ZNF674: variants seen among roughly 807,000 people sequenced by gnomAD.
ZNF674 encodes the protein zinc finger family member 674.
In ZNF674, 2 loss-of-function variants were observed where a neutral mutation model predicts 7.0. That is an observed-to-expected ratio of 0.29 (90% CI 0.12 to 0.90). The LOEUF (loss-of-function observed/expected upper bound fraction) is 0.90. ZNF674 is among the 40% of genes least tolerant of loss of function. The pLI, the probability that ZNF674 is intolerant of heterozygous loss-of-function variation, is 0.57. For synonymous variants in ZNF674, 103 were observed against 145.2 expected (o/e 0.71, Z 2.09); for missense variants, 297 against 415.5 (o/e 0.71, Z 2.48).
At chrX:46,528,761 AC>A (rs766330822) in intron 4 of ZNF674, 21 bp downstream of exon 4, 189 of 1,209,301 alleles carry the variant, frequency 1.6e-4, no homozygotes, top group Non-Finnish European at 2.1e-4. Context: ...ATTCTGCATC[AC>A]CCTGTGGCGC....
chrX:46,535,898 T>C (rs1451144737), intron 3 of ZNF674, among the ~76,000 whole-genome samples: 1 of 112,198 alleles, frequency 8.9e-6, no homozygotes, highest in East Asian at 2.8e-4. Flanking sequence ...CACAAAAAGA[T>C]TATAAGCCTC....
chrX:46,527,894 T>TAA (rs376612095), intron 5 of ZNF674: 5 of 117,819 alleles, frequency 4.2e-5, no homozygotes, highest in East Asian at 2.8e-4. Flanking sequence ...TCCTTGAGTC[T>TAA]AAAAAAAAAA....
At chrX:46,536,784 A>G (rs1402493284) in intron 3 of ZNF674, among the ~76,000 whole-genome samples, 2 of 111,318 alleles carry the variant, frequency 1.8e-5, no homozygotes, top group Non-Finnish European at 3.8e-5. Flanking sequence ...AAAAAATAAA[A>G]GAAAAAGAAA....
chrX:46,517,436 C>T (rs1019677883), intron 5 of ZNF674, among the ~76,000 whole-genome samples: 1 of 110,875 alleles, frequency 9.0e-6, no homozygotes, highest in African/African-American at 3.3e-5. Flanking sequence ...AAAATAATAA[C>T]CAAAAACTTC....
intron 5 of ZNF674, among the ~76,000 whole-genome samples, chrX:46,526,029 A>T (rs886426508): frequency 1.2e-4 from 13 of 112,298 alleles, no homozygotes; most frequent in Non-Finnish European, 2.4e-4. Flanking sequence ...TGGAAGACTC[A>T]ATATTGTCAG....
chrX:46,499,582 G>A lies in ZNF674; in HGVS notation c.*261C>T, dbSNP rs1374921031. 3 of 239,641 alleles carry A rather than the reference G, an allele frequency of 1.3e-5. No homozygotes were observed. The highest frequency in any genetic ancestry group is 1.5e-5 in the Non-Finnish European group (2 of 135,190). The allele number at this position is 239,641 out of a possible 1,213,427, so 19.7% of individuals were successfully genotyped here. On this transcript the variant is annotated 3_prime_UTR_variant, in exon 6 of 6. Coordinates refer to ENST00000683375, the MANE Select transcript of ZNF674 (RefSeq NM_001190417.2). ...TTCCCACATAACTACATTCAGTTTT[G>A]CCCCTTTTGAATTATTTGACATACA...
intron 3 of ZNF674, 195 bp from the exon 4 acceptor site, chrX:46,529,104 TC>T: frequency 1.4e-6 from 1 of 727,657 alleles, no homozygotes; most frequent in Non-Finnish European, 2.0e-6. Context: ...AAATAACCAG[TC>T]CAGGTCACAC....
rs1475382697 is a variant in ZNF674 at position 46,498,172 on chromosome X, C to T, written c.*1671G>A. The T allele has an allele frequency of 9.0e-6, 1 of 111,457 alleles. No individual in the cohort carries two copies. Among genetic ancestry groups the T allele is most frequent in the Admixed American group, 9.6e-5 (1 of 10,426 alleles). 9.2% of individuals were successfully genotyped at this position (111,457 alleles called of 1,213,427 possible). A position where few individuals can be genotyped will look rare whatever the true frequency, so the allele number is the denominator to read the frequency against. On this transcript the variant is annotated 3_prime_UTR_variant, in exon 6 of 6. Transcript: ENST00000683375. Reference sequence around the variant, plus strand: ...GTCTTAATTGGTGCATGTTATTTCACCTGACATACCAATTTTTAATCATCT... The same window carrying T: ...GTCTTAATTGGTGCATGTTATTTCATCTGACATACCAATTTTTAATCATCT...
intron 5 of ZNF674, among the ~76,000 whole-genome samples, chrX:46,507,733 C>T (rs1169972231): frequency 8.9e-6 from 1 of 111,828 alleles, no homozygotes; most frequent in East Asian, 2.8e-4. Flanking sequence ...TATGTACATA[C>T]GCATGCCTTT....
At chrX:46,502,379 C>T (rs997517126) in intron 5 of ZNF674, among the ~76,000 whole-genome samples, 1 of 109,014 alleles carries the variant, frequency 9.2e-6, no homozygotes, top group Admixed American at 9.9e-5. Flanking sequence ...TTGACCGATA[C>T]ATTTAAATAT....
At position 46,522,872 on chromosome X, in the gene ZNF674, A is replaced by G. The variant is rs1941939317; in HGVS notation, c.238+5478T>C. On this transcript the variant is annotated intron_variant, in intron 5 of 5. Transcript: ENST00000683375. Reference sequence around the variant, plus strand: ...AAAAAAGAAAAGTTCAAACTAAACAATATATTGCCTGTGTATACAAATATA... The same window carrying G: ...AAAAAAGAAAAGTTCAAACTAAACAGTATATTGCCTGTGTATACAAATATA... 3 of 112,803 alleles carry G rather than the reference A, an allele frequency of 2.7e-5. No individual in the cohort carries two copies. The Admixed American group carries it at 2.9e-4, about 11-fold the overall frequency. 9.3% of individuals were successfully genotyped at this position (112,803 alleles called of 1,213,427 possible). A position where few individuals can be genotyped will look rare whatever the true frequency, so the allele number is the denominator to read the frequency against.
chrX:46,539,188 AAAAC>A (rs1942250275), intron 3 of ZNF674, among the ~76,000 whole-genome samples: 1 of 112,066 alleles, frequency 8.9e-6, no homozygotes, highest in African/African-American at 3.2e-5. Flanking sequence ...CTGTCTCCAA[AAAAC>A]AAACAAACAA....
chrX:46,500,681 G>T lies in ZNF674; in HGVS notation c.893C>A (p.Thr298Lys), dbSNP rs908558783. Residue 298 changes from threonine (T) to lysine (K), a missense_variant, in exon 6 of 6, where the codon ACA (threonine) becomes AAA (lysine). By Grantham distance (78) the Thr-to-Lys change is moderately conservative (BLOSUM62 -1). Coordinates refer to ENST00000683375, the MANE Select transcript of ZNF674 (RefSeq NM_001190417.2). ...STLIKHQRTH[T>K]GEKPFVCDKC... Reference sequence around the variant, plus strand: ...GTCACATACAAATGGTTTCTCTCCTGTATGAGTTCGTTGATGTTTAATCAG... The same window carrying T: ...GTCACATACAAATGGTTTCTCTCCTTTATGAGTTCGTTGATGTTTAATCAG... The T allele has an allele frequency of 2.5e-6, 3 of 1,210,351 alleles. No homozygotes were observed. In the African/African-American group the frequency reaches 5.2e-5, roughly 21 times the overall value.
intron 5 of ZNF674, among the ~76,000 whole-genome samples, chrX:46,503,866 G>A (rs762108074): frequency 9.0e-6 from 1 of 110,585 alleles, no homozygotes; most frequent in African/African-American, 3.3e-5. Context: ...GGCAAAACCC[G>A]TCTCCACAAA....
intron 1 of ZNF674, among the ~76,000 whole-genome samples, chrX:46,545,077 A>G (rs911809725): frequency 8.9e-6 from 1 of 111,832 alleles, no homozygotes; most frequent in African/African-American, 3.3e-5. Context: ...TCTCTCTATA[A>G]CATGAAAATA....
intron 3 of ZNF674, among the ~76,000 whole-genome samples, chrX:46,531,246 C>T (rs1417505032): frequency 1.8e-5 from 2 of 111,802 alleles, no homozygotes; most frequent in African/African-American, 3.3e-5. Context: ...TTCCATCTGG[C>T]GGTTCATCTG....
intron 3 of ZNF674, among the ~76,000 whole-genome samples, chrX:46,539,287 T>C (rs1192087283): frequency 6.2e-5 from 7 of 112,827 alleles, no homozygotes; most frequent in African/African-American, 2.3e-4. Flanking sequence ...AATCAAAGCA[T>C]TGGATAATGC....
chrX:46,505,796 G>GA (rs1165929573), intron 5 of ZNF674, among the ~76,000 whole-genome samples: 4,119 of 71,314 alleles, frequency 0.058, 210 homozygotes, highest in African/African-American at 0.17. Context: ...ACACACACAC[G>GA]AAAAAAAAAA....
intron 5 of ZNF674, among the ~76,000 whole-genome samples, chrX:46,510,891 G>A (rs1941642180): frequency 8.9e-6 from 1 of 112,544 alleles, no homozygotes; most frequent in South Asian, 3.6e-4. Flanking sequence ...TACCACAGCA[G>A]ATATCATATT....
Sources: allele counts gnomAD v4.1 joint callset (sites outside exome capture counted in the v4.1 genomes callset), GRCh38; gene constraint gnomAD v4.1.1; transcripts MANE v1.5; gene names NCBI Gene and HGNC (gene_info 2026-07-23, HGNC 2026-07-21).